Variants in SLC17A5 observed in about 807,000 individuals in gnomAD.
SLC17A5 encodes sialin.
In SLC17A5, 47 loss-of-function variants were observed where a neutral mutation model predicts 59.4. The ratio of observed to expected loss-of-function variants is 0.79; its 90% CI spans 0.63 to 1.01. The LOEUF is 1.01. Ranked by LOEUF, SLC17A5 falls within the 50% of genes least tolerant of loss-of-function variation. The pLI, the probability that SLC17A5 is intolerant of heterozygous loss-of-function variation, is 0.00. For synonymous variants in SLC17A5, 202 were observed against 210.7 expected, an observed-to-expected ratio of 0.96 and a Z score of 0.36; for missense variants, 522 against 595.5, an observed-to-expected ratio of 0.88 and a Z score of 1.28.
At chr6:73,613,008 G>A (rs1466761192) in intron 8 of SLC17A5, among the ~76,000 whole-genome samples, 1 of 151,192 alleles carries the variant, frequency 6.6e-6, no homozygotes, top group Admixed American at 6.6e-5. Context: ...AGCCATGGTT[G>A]TCCATCCTGG....
intron 2 of SLC17A5, among the ~76,000 whole-genome samples, chr6:73,642,353 G>T (rs1214226005): frequency 2.6e-5 from 4 of 152,036 alleles, no homozygotes; most frequent in Admixed American, 2.0e-4. Context: ...GCAGAAAACT[G>T]TAGTGGCTGA....
chr6:73,645,985 C>T (rs1422788436), intron 1 of SLC17A5, among the ~76,000 whole-genome samples: 4 of 152,004 alleles, frequency 2.6e-5, no homozygotes, highest in Non-Finnish European at 5.9e-5. Flanking sequence ...TAATCAACCT[C>T]TTAGTAACAA....
chr6:73,621,973 C>G lies in SLC17A5; in HGVS notation c.820-11G>C, dbSNP rs1275271159. 6.2e-7 allele frequency: 1 copy of G among 1,613,562 alleles called. No individual in the cohort carries two copies. Among genetic ancestry groups the G allele is most frequent in the South Asian group, 1.1e-5 (1 of 91,086 alleles). The stretch of plus-strand genomic sequence containing the variant: ...CTTCTGTGAAGAAAGCTGAAGAAAA[C>G]AGGAATAATTAGGATAAACTACGGC... On this transcript the variant is annotated splice_polypyrimidine_tract_variant and intron_variant, in intron 6 of 10. Transcript: ENST00000355773.
chr6:73,653,664 G>T, intron 1 of SLC17A5, 129 bp downstream of exon 1: 2 of 1,050,390 alleles, frequency 1.9e-6, no homozygotes, highest in Non-Finnish European at 2.7e-6. Context: ...CCCTCTTAAT[G>T]TCCCCTCGCG....
At chr6:73,628,259 C>T (rs1768531564) in intron 6 of SLC17A5, among the ~76,000 whole-genome samples, 1 of 152,006 alleles carries the variant, frequency 6.6e-6, no homozygotes. Context: ...TCTAAAATAC[C>T]ACTGCTGATA....
chr6:73,635,801 C>T (rs1347872107), intron 5 of SLC17A5, among the ~76,000 whole-genome samples: 1 of 150,216 alleles, frequency 6.7e-6, no homozygotes, highest in African/African-American at 2.5e-5. Flanking sequence ...AGTGCAGTGA[C>T]GTGATCTCGG....
At chr6:73,600,697 C>T (rs1265366243) in intron 9 of SLC17A5, among the ~76,000 whole-genome samples, 1 of 151,944 alleles carries the variant, frequency 6.6e-6, no homozygotes, top group Non-Finnish European at 1.5e-5. Flanking sequence ...GCCGGTGTCT[C>T]ACCATGTTGG....
At chr6:73,597,073 A>AT (rs1308772200) in intron 10 of SLC17A5, among the ~76,000 whole-genome samples, 1 of 152,014 alleles carries the variant, frequency 6.6e-6, no homozygotes, top group Admixed American at 6.6e-5. Flanking sequence ...AGGCAGGAGA[A>AT]TTGCTTGAAC....
rs772930904 is a variant in SLC17A5, at chr6:73,600,452, A to G, written c.1260-11T>C. 6.3e-7 allele frequency: 1 copy of G among 1,586,470 alleles called. No homozygotes were observed. Among genetic ancestry groups the G allele is most frequent in the South Asian group, 1.1e-5 (1 of 90,428 alleles). On this transcript the variant is annotated splice_polypyrimidine_tract_variant and intron_variant, in intron 9 of 10. Transcript: ENST00000355773. ...AGGATACCAGCATACCTGTAGAAAC[A>G]TTTTCATAGACGTTTATTATTGTGA... is the stretch of plus-strand genomic sequence containing the variant.
In SLC17A5 at chr6:73,653,954, C is replaced by A; in HGVS notation, c.-68G>T. 8 of 1,402,736 alleles carry A rather than the reference C, an allele frequency of 5.7e-6. No individual in the cohort carries two copies. The highest frequency in any genetic ancestry group is 7.9e-6 in the Non-Finnish European group (8 of 1,015,530). 86.9% of individuals were successfully genotyped at this position (1,402,736 alleles called of 1,614,324 possible). A position where few individuals can be genotyped will look rare whatever the true frequency, so the allele number is the denominator to read the frequency against. Reference sequence around the variant, plus strand: ...GGAGCGCCGGCCCGACAGCCCGAAGCCCCCGGGCCGAGCTGGCTGGACCGG... The same window carrying A: ...GGAGCGCCGGCCCGACAGCCCGAAGACCCCGGGCCGAGCTGGCTGGACCGG... On this transcript the variant is annotated 5_prime_UTR_variant, in exon 1 of 11. Transcript: ENST00000355773.
intron 1 of SLC17A5, chr6:73,645,295 G>C (rs1267229112): frequency 1.0e-6 from 1 of 984,424 alleles, no homozygotes; most frequent in Non-Finnish European, 1.2e-6. Flanking sequence ...TTACCTCGAA[G>C]AGTATCCTCA....
intron 1 of SLC17A5, among the ~76,000 whole-genome samples, chr6:73,652,015 T>C (rs1023390776): frequency 1.3e-5 from 2 of 152,130 alleles, no homozygotes; most frequent in African/African-American, 4.8e-5. Context: ...GGGTGCTGGT[T>C]ACATGGGGGC....
At chr6:73,644,705 C>T in intron 1 of SLC17A5, 102 bp from the exon 2 acceptor site, 1 of 1,108,202 alleles carries the variant, frequency 9.0e-7, no homozygotes, top group Non-Finnish European at 1.3e-6. Flanking sequence ...CTCCTGGGCT[C>T]AAGCCATCCA....
At chr6:73,607,775 A>AT (rs10716332) in intron 9 of SLC17A5, among the ~76,000 whole-genome samples, 2,057 of 130,436 alleles carry the variant, frequency 0.016, 26 homozygotes, top group Non-Finnish European at 0.021. Context: ...GTTCCTTATA[A>AT]TTTTTTTTTT....
intron 7 of SLC17A5, chr6:73,618,300 AAATAAAAT>A (rs1253178086): frequency 5.6e-6 from 1 of 177,248 alleles, no homozygotes; most frequent in East Asian, 1.3e-4. Context: ...AAATAAAATA[AAATAAAAT>A]GAGTTTCTGG....
chr6:73,648,457 G>A lies in SLC17A5; in HGVS notation c.95-3854C>T, dbSNP rs551656176. 3.0e-4 allele frequency among the ~76,000 whole-genome samples: 45 copies of A among 152,344 alleles called. No individual in the cohort carries two copies. The South Asian group carries it at 7.0e-3, about 24-fold the overall frequency. On this transcript the variant is annotated intron_variant, in intron 1 of 10. Transcript: ENST00000355773. ...AAGTACACAGGCTAATTTAGAGTGG[G>A]ACCTGGGAATGAATCTGTTTCTGAT...
intron 6 of SLC17A5, among the ~76,000 whole-genome samples, chr6:73,625,918 A>AT (rs1768387855): frequency 6.6e-6 from 1 of 152,320 alleles, no homozygotes; most frequent in South Asian, 2.1e-4. Context: ...TAGAGATCAG[A>AT]TTTTAAAAAG....
intron 4 of SLC17A5, 70 bp downstream of exon 4, chr6:73,638,342 C>T: frequency 9.2e-7 from 1 of 1,082,908 alleles, no homozygotes; most frequent in Non-Finnish European, 1.4e-6. Context: ...TTCTGGTATG[C>T]AGGCCCTTTT....
intron 9 of SLC17A5, among the ~76,000 whole-genome samples, chr6:73,607,897 C>T (rs1304978804): frequency 6.6e-6 from 1 of 151,518 alleles, no homozygotes; most frequent in Non-Finnish European, 1.5e-5. Context: ...CTGCCTCAGC[C>T]TCCTGAGAAG....
Sources: allele counts gnomAD v4.1 joint callset (sites outside exome capture counted in the v4.1 genomes callset), GRCh38; gene constraint gnomAD v4.1.1; transcripts MANE v1.5; gene names NCBI Gene and HGNC (gene_info 2026-07-23, HGNC 2026-07-21).